Variants in MYO1D observed in about 807,000 individuals in gnomAD.
MYO1D encodes the protein myosin ID.
A neutral mutation model predicts 122.0 loss-of-function variants in MYO1D; 83 were observed. The observed-to-expected ratio is 0.68, with a 90% CI of 0.57 to 0.82. The LOEUF (loss-of-function observed/expected upper bound fraction) is 0.82, where lower values mean the gene tolerates loss of function less well. Ranked by LOEUF, MYO1D falls within the 40% of genes least tolerant of loss-of-function variation. The pLI is 0.00. For missense variants in MYO1D, 1,157 were observed against 1,269.5 expected, an observed-to-expected ratio of 0.91 and a Z score of 1.35; for synonymous variants, 464 against 446.9, an observed-to-expected ratio of 1.04 and a Z score of -0.48.
At chr17:32,597,478 C>A (rs184538804) in intron 21 of MYO1D, among the ~76,000 whole-genome samples, 29 of 116,130 alleles carry the variant, frequency 2.5e-4, no homozygotes. Context: ...TGTAGCATAT[C>A]ACCATTTTTG....
chr17:32,700,666 G>A (rs1004218862), intron 16 of MYO1D, among the ~76,000 whole-genome samples: 5 of 152,142 alleles, frequency 3.3e-5, no homozygotes, highest in Admixed American at 2.6e-4. Context: ...AAAATGGGCT[G>A]GGCACGGTGG....
At chr17:32,640,347 T>C (rs770559840) in intron 19 of MYO1D, among the ~76,000 whole-genome samples, 6 of 152,098 alleles carry the variant, frequency 3.9e-5, no homozygotes, top group Non-Finnish European at 5.9e-5. Context: ...TATTATACTT[T>C]AAGTTTTAGG....
intron 16 of MYO1D, among the ~76,000 whole-genome samples, chr17:32,677,313 A>T (rs1023101820): frequency 1.3e-5 from 2 of 152,126 alleles, no homozygotes; most frequent in African/African-American, 4.8e-5. Context: ...CATGAATGGC[A>T]GCAGATTCTG....
At chr17:32,613,856 C>A (rs562597586) in intron 20 of MYO1D, among the ~76,000 whole-genome samples, 1 of 137,750 alleles carries the variant, frequency 7.3e-6, no homozygotes, top group Non-Finnish European at 1.5e-5. Flanking sequence ...TAATAGTTCA[C>A]ATTTATGTAT....
In MYO1D at chr17:32,864,007, C is replaced by CTTT. The variant is rs560953120; in HGVS notation, c.95+12768_95+12770dup. Among the ~76,000 whole-genome samples the CTTT allele has an allele frequency of 3.9e-3, 193 of 48,902 alleles. 33 individuals carry two copies. The highest frequency in any genetic ancestry group is 8.0e-3 in the East Asian group (6 of 746). The allele number at this position is 48,902 out of a possible 152,430, so 32.1% of individuals were successfully genotyped here. On this transcript the variant is annotated intron_variant, in intron 1 of 21. Coordinates refer to ENST00000318217, the MANE Select transcript of MYO1D (RefSeq NM_015194.3). ...TAATTTTGGTTACAAACATTTCTTC[C>CTTT]TTTTTTTTTTTTTTTTTTTTTTTTT...
chr17:32,569,235 A>G (rs1427207010), intron 21 of MYO1D, among the ~76,000 whole-genome samples: 1 of 152,138 alleles, frequency 6.6e-6, no homozygotes, highest in Non-Finnish European at 1.5e-5. Context: ...TGAGCAATCT[A>G]TTTTCTCTGG....
At chr17:32,802,213 G>A (rs2090467119) in intron 1 of MYO1D, among the ~76,000 whole-genome samples, 1 of 152,148 alleles carries the variant, frequency 6.6e-6, no homozygotes, top group African/African-American at 2.4e-5. Context: ...CTAATATGTA[G>A]ATGCCTACAC....
intron 20 of MYO1D, among the ~76,000 whole-genome samples, chr17:32,633,433 T>C (rs2088050444): frequency 6.6e-6 from 1 of 152,206 alleles, no homozygotes; most frequent in African/African-American, 2.4e-5. Context: ...TTAAGTACAC[T>C]GAAATCTCCC....
intron 21 of MYO1D, among the ~76,000 whole-genome samples, chr17:32,545,577 G>T (rs941077604): frequency 3.3e-5 from 5 of 152,084 alleles, no homozygotes; most frequent in Non-Finnish European, 5.9e-5. Flanking sequence ...GTCCCTAACT[G>T]GTCCCTAGTT....
chr17:32,530,342 T>G (rs1178505048), intron 21 of MYO1D, among the ~76,000 whole-genome samples: 1 of 152,160 alleles, frequency 6.6e-6, no homozygotes, highest in Non-Finnish European at 1.5e-5. Context: ...CTATAATAAT[T>G]GCATCTCAAC....
intron 1 of MYO1D, among the ~76,000 whole-genome samples, chr17:32,872,720 C>T (rs1314242486): frequency 3.4e-5 from 5 of 148,436 alleles, no homozygotes; most frequent in East Asian, 2.0e-4. Context: ...GACGGAGTCT[C>T]GCTCTGTCAC....
intron 16 of MYO1D, among the ~76,000 whole-genome samples, chr17:32,680,466 ATGAAGGGTTGTTGAATTT>A (rs2088896616): frequency 1.8e-5 from 1 of 55,494 alleles, no homozygotes; most frequent in Non-Finnish European, 3.6e-5. Flanking sequence ...AGTTTTTAGC[ATGAAGGGTTGTTGAATTT>A]TGTCAAAGGC....
intron 21 of MYO1D, among the ~76,000 whole-genome samples, chr17:32,552,464 T>TCATC (rs1567887182): frequency 1.3e-5 from 1 of 75,324 alleles, no homozygotes; most frequent in East Asian, 2.0e-4. Context: ...ATCCATCCAT[T>TCATC]CATCCATCCC....
chr17:32,851,103 T>C (rs527674521), intron 1 of MYO1D, among the ~76,000 whole-genome samples: 206 of 152,268 alleles, frequency 1.4e-3, no homozygotes, highest in Non-Finnish European at 2.4e-3. Context: ...CTGGTGATCC[T>C]TGTACTTGTC....
chr17:32,507,024 T>G (rs761905718), intron 21 of MYO1D, among the ~76,000 whole-genome samples: 2 of 152,108 alleles, frequency 1.3e-5, no homozygotes, highest in Non-Finnish European at 2.9e-5. Context: ...TTTTGTTTAT[T>G]TATTAAGGAA....
intron 21 of MYO1D, among the ~76,000 whole-genome samples, chr17:32,565,732 G>T (rs2087167009): frequency 6.6e-6 from 1 of 150,826 alleles, no homozygotes; most frequent in South Asian, 2.1e-4. Flanking sequence ...GAGTGTGTGT[G>T]TTTTTTTTTT....
At chr17:32,631,556 A>T (rs893874523) in intron 20 of MYO1D, among the ~76,000 whole-genome samples, 1 of 152,148 alleles carries the variant, frequency 6.6e-6, no homozygotes, top group African/African-American at 2.4e-5. Context: ...CTGAGGAGAC[A>T]GGAATGCTTG....
chr17:32,667,864 G>A (rs1876659078), intron 16 of MYO1D, among the ~76,000 whole-genome samples: 1 of 152,134 alleles, frequency 6.6e-6, no homozygotes, highest in Non-Finnish European at 1.5e-5. Flanking sequence ...TCTTCACTAT[G>A]ATGATGACAT....
intron 1 of MYO1D, among the ~76,000 whole-genome samples, chr17:32,818,467 G>C (rs1232131078): frequency 6.6e-6 from 1 of 152,192 alleles, no homozygotes; most frequent in Admixed American, 6.5e-5. Flanking sequence ...ATGCTCGATG[G>C]ACACATTCAA....
Sources: allele counts gnomAD v4.1 joint callset (sites outside exome capture counted in the v4.1 genomes callset), GRCh38; gene constraint gnomAD v4.1.1; transcripts MANE v1.5; gene names NCBI Gene and HGNC (gene_info 2026-07-23, HGNC 2026-07-21).